The following CTNNA2 variants were observed in gnomAD, a reference collection of about 807,000 sequenced individuals.
CTNNA2 encodes the protein catenin alpha-2.
Under a neutral mutation model 101.0 loss-of-function variants are expected in CTNNA2, and 42 were observed. That is an observed-to-expected ratio of 0.42 (90% CI 0.32 to 0.54). The LOEUF is 0.54. Ranked by LOEUF, CTNNA2 falls within the 20% of genes least tolerant of loss-of-function variation. The pLI is 0.14. For missense variants in CTNNA2, 871 were observed against 1,223.1 expected (o/e 0.71, Z 4.29); for synonymous variants, 450 against 456.4 (o/e 0.99, Z 0.18).
At chr2:79,491,006 A>G (rs1004976929) in intron 4 of CTNNA2, among the ~76,000 whole-genome samples, 1 of 152,168 alleles carries the variant, frequency 6.6e-6, no homozygotes, top group Non-Finnish European at 1.5e-5. Flanking sequence ...TAATTATTAT[A>G]TCAGAGAGAG....
intron 7 of CTNNA2, among the ~76,000 whole-genome samples, chr2:80,132,424 G>T (rs189240473): frequency 1.6e-3 from 239 of 152,254 alleles, no homozygotes; most frequent in African/African-American, 5.6e-3. Context: ...TATCACAGGA[G>T]AGAGACACAT....
chr2:80,279,329 C>A (rs1319131515), intron 7 of CTNNA2, among the ~76,000 whole-genome samples: 1 of 152,036 alleles, frequency 6.6e-6, no homozygotes, highest in Non-Finnish European at 1.5e-5. Flanking sequence ...ATATTTCTTT[C>A]ATTTGTTCCT....
At chr2:79,490,401 CTG>C (rs1324331359) in intron 4 of CTNNA2, among the ~76,000 whole-genome samples, 1 of 152,066 alleles carries the variant, frequency 6.6e-6, no homozygotes, top group Non-Finnish European at 1.5e-5. Flanking sequence ...ACATCCAATC[CTG>C]TGTTTTTTAT....
intron 1 of CTNNA2, among the ~76,000 whole-genome samples, chr2:79,614,412 A>G (rs1045726073): frequency 2.6e-5 from 4 of 152,092 alleles, no homozygotes; most frequent in Admixed American, 1.3e-4. Context: ...TACCTGCAAT[A>G]ATTTTTCCTA....
At chr2:80,500,707 T>G (rs901192297) in intron 9 of CTNNA2, among the ~76,000 whole-genome samples, 2 of 152,332 alleles carry the variant, frequency 1.3e-5, no homozygotes, top group Non-Finnish European at 1.5e-5. Context: ...GCTGACAGAA[T>G]GTACAAAGGG....
intron 2 of CTNNA2, among the ~76,000 whole-genome samples, chr2:79,725,649 T>C (rs572561946): frequency 1.3e-5 from 2 of 152,346 alleles, no homozygotes; most frequent in African/African-American, 2.4e-5. Flanking sequence ...TATAAAAGAC[T>C]GTCTCTTGTC....
intron 4 of CTNNA2, among the ~76,000 whole-genome samples, chr2:79,417,912 AAG>A (rs1341658886): frequency 2.0e-5 from 3 of 152,130 alleles, no homozygotes; most frequent in Non-Finnish European, 4.4e-5. Context: ...GCAGTAAAGA[AAG>A]AGTTTCATTG....
intron 7 of CTNNA2, among the ~76,000 whole-genome samples, chr2:80,081,725 A>G (rs1020477507): frequency 6.6e-6 from 1 of 151,516 alleles, no homozygotes; most frequent in Admixed American, 6.6e-5. Context: ...CTACTCCGCT[A>G]AGACAATCTC....
intron 7 of CTNNA2, among the ~76,000 whole-genome samples, chr2:80,178,988 T>C (rs1272109942): frequency 5.9e-5 from 9 of 152,196 alleles, no homozygotes; most frequent in African/African-American, 2.4e-5. Context: ...CAGTATGATA[T>C]CTTGTGGAAG....
intron 7 of CTNNA2, among the ~76,000 whole-genome samples, chr2:80,311,280 A>G (rs1677554053): frequency 6.6e-6 from 1 of 152,206 alleles, no homozygotes; most frequent in Non-Finnish European, 1.5e-5. Flanking sequence ...ACATAATGCC[A>G]AATTGTCATC....
At chr2:79,709,168 G>T (rs953544794) in intron 2 of CTNNA2, among the ~76,000 whole-genome samples, 3 of 152,080 alleles carry the variant, frequency 2.0e-5, no homozygotes, top group Non-Finnish European at 4.4e-5. Flanking sequence ...AATCGAGAAG[G>T]TTTTGACCCT....
At chr2:80,450,299 A>G (rs1020741563) in intron 9 of CTNNA2, among the ~76,000 whole-genome samples, 3 of 152,094 alleles carry the variant, frequency 2.0e-5, no homozygotes, top group South Asian at 2.1e-4. Context: ...TGTTGTAACC[A>G]TAATAGCTTT....
At chr2:79,186,490 T>C (rs1673780282) in intron 1 of CTNNA2, among the ~76,000 whole-genome samples, 1 of 152,208 alleles carries the variant, frequency 6.6e-6, no homozygotes, top group South Asian at 2.1e-4. Context: ...TTCTTTTTTA[T>C]TAGAAGCAAT....
intron 3 of CTNNA2, among the ~76,000 whole-genome samples, chr2:79,744,794 G>A (rs1484191164): frequency 6.6e-6 from 1 of 152,086 alleles, no homozygotes; most frequent in African/African-American, 2.4e-5. Flanking sequence ...CTCCATGTCT[G>A]CTGTTACGTC....
chr2:80,481,087 C>T (rs1214138781), intron 9 of CTNNA2, among the ~76,000 whole-genome samples: 2 of 152,074 alleles, frequency 1.3e-5, no homozygotes, highest in African/African-American at 4.8e-5. Context: ...CCTGGACATT[C>T]CTTTTCATTA....
chr2:80,605,774 A>G (rs1179157686), intron 16 of CTNNA2: 1 of 151,968 alleles, frequency 6.6e-6, no homozygotes, highest in Non-Finnish European at 1.5e-5. Flanking sequence ...TACATTTAAG[A>G]TGGCTAATCC....
chr2:79,429,240 CTTT>C (rs978993087), intron 4 of CTNNA2, among the ~76,000 whole-genome samples: 1 of 151,364 alleles, frequency 6.6e-6, no homozygotes, highest in Non-Finnish European at 1.5e-5. Flanking sequence ...GGCTCGTGAA[CTTT>C]TTTTTTAATC....
At chr2:80,601,421 C>CTTTTTTTTTTTTTT (rs56921519) in intron 15 of CTNNA2, among the ~76,000 whole-genome samples, 31 of 84,362 alleles carry the variant, frequency 3.7e-4, no homozygotes, top group African/African-American at 8.1e-4. Flanking sequence ...TTCTTTCTTT[C>CTTTTTTTTTTTTTT]TTTTTTTTTT....
intron 1 of CTNNA2, among the ~76,000 whole-genome samples, chr2:79,588,285 T>A (rs1288103836): frequency 2.0e-5 from 3 of 152,218 alleles, no homozygotes; most frequent in Non-Finnish European, 4.4e-5. Flanking sequence ...TGAACACCAT[T>A]TACATTTGTA....
Sources: gnomAD v4.1 joint callset for allele counts (sites outside exome capture counted in the v4.1 genomes callset) on GRCh38, gnomAD v4.1.1 for gene constraint, MANE v1.5 for transcripts, NCBI Gene and HGNC (gene_info 2026-07-23, HGNC 2026-07-21) for gene names.